F3: variants seen among roughly 807,000 people sequenced by gnomAD.
F3 encodes tissue factor.
F3 carries 18 observed loss-of-function variants against 33.5 expected under a neutral mutation model. That is an observed-to-expected ratio of 0.54 (90% CI 0.37 to 0.80). F3 has a LOEUF of 0.80. Ranked by LOEUF, F3 falls within the 30% of genes least tolerant of loss-of-function variation. The pLI, the probability that F3 is intolerant of heterozygous loss-of-function variation, is 0.00. For missense variants in F3, 353 were observed against 362.1 expected (o/e 0.97, Z 0.20); for synonymous variants, 147 against 140.7 (o/e 1.05, Z -0.32).
At chr1:94,540,499 T>C (rs1043416903) in intron 1 of F3, 131 bp from the exon 2 acceptor site, 3 of 567,992 alleles carry the variant, frequency 5.3e-6, no homozygotes, top group Non-Finnish European at 9.1e-6. Context: ...AAAAGCTTCA[T>C]TAGTGAATTA....
At chr1:94,534,661 C>T (rs592435) in intron 3 of F3, among the ~76,000 whole-genome samples, 4 of 152,110 alleles carry the variant, frequency 2.6e-5, no homozygotes, top group East Asian at 3.9e-4. Flanking sequence ...CTTGGTACCT[C>T]GAGAAGCCGG....
At position 94,541,562 on chromosome 1, in the gene F3, G is replaced by T; in HGVS notation, c.75C>A (p.Val25=). The change falls in exon 1 of 6, where the codon GTC becomes GTA. Residue 25 remains valine (V), a synonymous_variant. Transcript: ENST00000334047. ...CTGAAGCGCCGGCCACCTGGGCGAA[G>T]ACCCAGCCGAGCAGGAGCGTCCGAG... ...AVARTLLLGW[V]FAQVAGASGT... is the part of the protein sequence containing the mutation. The T allele has an allele frequency of 1.3e-6, 2 of 1,504,864 alleles. No individual in the cohort carries two copies. Among genetic ancestry groups the T allele is most frequent in the Non-Finnish European group, 8.9e-7 (1 of 1,127,498 alleles). The allele number at this position is 1,504,864 out of a possible 1,614,324, so 93.2% of individuals were successfully genotyped here.
In F3 at chr1:94,532,375, T is replaced by C; in HGVS notation, c.697A>G (p.Lys233Glu). The C allele has an allele frequency of 6.2e-7, 1 of 1,614,188 alleles. No individual in the cohort carries two copies. The highest frequency in any genetic ancestry group is 8.5e-7 in the Non-Finnish European group (1 of 1,180,036). The part of the protein sequence containing the change: ...AVIPSRTVNR[K>E]STDSPVECMG... ...CACTCTACCGGGCTGTCTGTACTCTTCCGGTTAACTGTTCGGGAGGGAATC... is the reference window on the plus strand; with the variant it reads ...CACTCTACCGGGCTGTCTGTACTCTCCCGGTTAACTGTTCGGGAGGGAATC... Residue 233 changes from lysine (K) to glutamate (E), a missense_variant, in exon 5 of 6, where the codon AAG becomes GAG. Transcript: ENST00000334047.
Position 94,540,205 on chromosome 1 carries a change from G to A in F3, c.212+52C>T, listed in dbSNP as rs920525924. ...TTTAAAGACATTCTTGTTCAGCATA[G>A]GACAGTAGAAACATCAAAGACCTTA... On this transcript the variant is annotated intron_variant, in intron 2 of 5. Coordinates refer to ENST00000334047, the MANE Select transcript of F3 (RefSeq NM_001993.5). The A allele has an allele frequency of 6.4e-6, 7 of 1,099,144 alleles. No individual in the cohort carries two copies. In the African/African-American group the frequency reaches 7.8e-5, roughly 12 times the overall value. 68.1% of individuals were successfully genotyped at this position (1,099,144 alleles called of 1,614,324 possible).
At chr1:94,535,499 T>A (rs1183559413) in intron 3 of F3, among the ~76,000 whole-genome samples, 1 of 152,082 alleles carries the variant, frequency 6.6e-6, no homozygotes, top group Non-Finnish European at 1.5e-5. Context: ...TTAGGCTAAT[T>A]ATGGGCTCAG....
intron 4 of F3, 54 bp downstream of exon 4, chr1:94,533,036 C>T (rs551708369): frequency 1.9e-6 from 3 of 1,553,162 alleles, no homozygotes; most frequent in African/African-American, 2.8e-5. Flanking sequence ...GGTTGTAAAA[C>T]CCAAGTATTC....
intron 2 of F3, among the ~76,000 whole-genome samples, chr1:94,539,441 T>C (rs1408265611): frequency 1.3e-5 from 2 of 152,204 alleles, no homozygotes; most frequent in African/African-American, 2.4e-5. Context: ...CAAAATACCT[T>C]TTGTTTTAGC....
At position 94,532,311 on chromosome 1, in the gene F3, A is replaced by G. The variant is rs781081812; in HGVS notation, c.751+10T>C. ...ATACCCCCAGGCAAATGGCTGGCAG[A>G]GCCACTCACCTCTGAATTCCCCTTT... is the stretch of plus-strand genomic sequence containing the variant. On this transcript the variant is annotated intron_variant, in intron 5 of 5. Coordinates refer to ENST00000334047, the MANE Select transcript of F3 (RefSeq NM_001993.5). 6 of 1,613,060 alleles carry G rather than the reference A, an allele frequency of 3.7e-6. No homozygotes were observed. In the African/African-American group the frequency reaches 8.0e-5, roughly 22 times the overall value.
chr1:94,532,377 C>T lies in F3; in HGVS notation c.695G>A (p.Arg232Gln), dbSNP rs753018908. 40 of 1,614,038 alleles carry T rather than the reference C, an allele frequency of 2.5e-5. No homozygotes were observed. The Admixed American group carries it at 5.3e-4, about 22-fold the overall frequency. ...QAVIPSRTVN[R>Q]KSTDSPVECM... ...CTCTACCGGGCTGTCTGTACTCTTCCGGTTAACTGTTCGGGAGGGAATCAC... is the reference window on the plus strand; with the variant it reads ...CTCTACCGGGCTGTCTGTACTCTTCTGGTTAACTGTTCGGGAGGGAATCAC... Residue 232 changes from arginine to glutamine, a missense_variant, in exon 5 of 6, where the codon CGG (arginine) becomes CAG (glutamine). Physicochemically the swap from Arg to Gln is conservative, Grantham distance 43. Coordinates refer to ENST00000334047, the MANE Select transcript of F3 (RefSeq NM_001993.5).
chr1:94,536,710 T>C (rs1651619919), intron 2 of F3, among the ~76,000 whole-genome samples: 1 of 152,080 alleles, frequency 6.6e-6, no homozygotes, highest in Non-Finnish European at 1.5e-5. Flanking sequence ...TGAGACAAAG[T>C]GAGGTTGTTT....
chr1:94,541,421 C>T (rs1014489151), intron 1 of F3, 116 bp downstream of exon 1: 7 of 786,810 alleles, frequency 8.9e-6, no homozygotes, highest in Admixed American at 8.5e-5. Context: ...GTCCCGTAGG[C>T]GCGGGGGACA....
Position 94,535,999 on chromosome 1 carries a change from A to T in F3, c.378T>A (p.Tyr126Ter). The change falls in exon 3 of 6, where the codon TAT becomes TAA. Residue 126 changes from tyrosine (Y) to a stop codon, truncating the protein, a stop_gained. Transcript: ENST00000334047. LOFTEE classifies it high-confidence loss of function. ...ESTGSAGEPL[Y>*]ENSPEFTPYL... ...AAGGTGTGAACTCTGGGGAGTTCTC[A>T]TACAGAGGCTCCCCAGCAGAACCGG... The T allele has an allele frequency of 6.2e-7, 1 of 1,614,190 alleles. No homozygotes were observed. The highest frequency in any genetic ancestry group is 8.5e-7 in the Non-Finnish European group (1 of 1,180,034).
At chr1:94,539,513 C>G (rs918913953) in intron 2 of F3, among the ~76,000 whole-genome samples, 1 of 152,196 alleles carries the variant, frequency 6.6e-6, no homozygotes, top group Non-Finnish European at 1.5e-5. Flanking sequence ...CAGCTATTCT[C>G]TATTTCATAA....
At position 94,540,538 on chromosome 1, in the gene F3, T is replaced by C. The variant is rs1651740851; in HGVS notation, c.101-170A>G. The C allele has an allele frequency of 1.9e-5, 10 of 540,038 alleles. No homozygotes were observed. In the South Asian group the frequency reaches 2.4e-4, roughly 13 times the overall value. 33.5% of individuals were successfully genotyped at this position (540,038 alleles called of 1,614,324 possible). ...AGAGAAAAAGAATCTTCAAATTTTT[T>C]CTAGACCTAGAATTTCTTCATGACA... On this transcript the variant is annotated intron_variant, in intron 1 of 5. Coordinates refer to ENST00000334047, the MANE Select transcript of F3 (RefSeq NM_001993.5).
chr1:94,529,378 A>G lies in F3; in HGVS notation c.*1082T>C, dbSNP rs1453035822. The G allele has an allele frequency of 6.6e-6, 1 of 152,612 alleles. No homozygotes were observed. The highest frequency in any genetic ancestry group is 2.4e-5 in the African/African-American group (1 of 41,444). The allele number at this position is 152,612 out of a possible 1,614,324, so 9.5% of individuals were successfully genotyped here. On this transcript the variant is annotated 3_prime_UTR_variant, in exon 6 of 6. Coordinates refer to ENST00000334047, the MANE Select transcript of F3 (RefSeq NM_001993.5). Reference sequence around the variant, plus strand: ...ATAAATTATCTCAATATATACAAATAGAACAATATTACCTACATAAATAGA... The same window carrying G: ...ATAAATTATCTCAATATATACAAATGGAACAATATTACCTACATAAATAGA...
rs878953905 is a variant in F3, at chr1:94,530,387, T to C, written c.*73A>G. The C allele has an allele frequency of 1.6e-5, 25 of 1,579,824 alleles. 1 individual carries two copies. The South Asian group carries it at 2.7e-4, about 17-fold the overall frequency. On this transcript the variant is annotated 3_prime_UTR_variant, in exon 6 of 6. Coordinates refer to ENST00000334047, the MANE Select transcript of F3 (RefSeq NM_001993.5). Reference sequence around the variant, plus strand: ...TCCGAAATACTCATTTGCGTTTCCATGTATTCTATCCTCTTAAAAGTTCTC... The same window carrying C: ...TCCGAAATACTCATTTGCGTTTCCACGTATTCTATCCTCTTAAAAGTTCTC...
intron 5 of F3, among the ~76,000 whole-genome samples, chr1:94,532,002 A>C (rs1006277519): frequency 3.3e-5 from 5 of 152,176 alleles, no homozygotes; most frequent in Admixed American, 1.3e-4. Flanking sequence ...GAAATCTGTG[A>C]CTTGTTGCTA....
At chr1:94,534,678 C>A (rs1281765401) in intron 3 of F3, among the ~76,000 whole-genome samples, 3 of 152,086 alleles carry the variant, frequency 2.0e-5, no homozygotes, top group African/African-American at 7.2e-5. Context: ...CCGGATTTAA[C>A]CACGGGGTCT....
At chr1:94,535,930 C>T (rs959421452) in intron 3 of F3, 35 bp downstream of exon 3, 1 of 1,583,460 alleles carries the variant, frequency 6.3e-7, no homozygotes, top group African/African-American at 1.3e-5. Context: ...ACGTTTCTAA[C>T]AAGAATGAAC....
Sources: gnomAD v4.1 joint callset for allele counts (sites outside exome capture counted in the v4.1 genomes callset) on GRCh38, gnomAD v4.1.1 for gene constraint, MANE v1.5 for transcripts, NCBI Gene and HGNC (gene_info 2026-07-23, HGNC 2026-07-21) for gene names.